The following INTS6L variants were observed in gnomAD, a reference collection of about 807,000 sequenced individuals.
INTS6L encodes the protein integrator complex subunit 6 like, also known as integrator complex subunit 6-like.
Under a neutral mutation model 64.7 loss-of-function variants are expected in INTS6L, and 18 were observed. The observed-to-expected ratio is 0.28, with a 90% CI of 0.19 to 0.41. The LOEUF is 0.41. Among genes scored for constraint, INTS6L ranks in the 10% least tolerant of loss-of-function variants. The pLI, the probability that INTS6L is intolerant of heterozygous loss-of-function variation, is 1.00. For missense variants in INTS6L, 533 were observed against 661.0 expected (o/e 0.81, Z 2.12); for synonymous variants, 227 against 235.9 (o/e 0.96, Z 0.34).
chrX:135,520,957 G>A lies in INTS6L; in HGVS notation c.-36G>A. The stretch of plus-strand genomic sequence containing the variant: ...CGCGGCAGTGAGGGCAAGAGGGCCG[G>A]GAGAGTGGGGAGCGGAGGCAGGAGT... On this transcript the variant is annotated 5_prime_UTR_variant, in exon 1 of 18. Transcript: ENST00000639893. 2.5e-6 allele frequency: 3 copies of A among 1,186,189 alleles called. No individual in the cohort carries two copies. The highest frequency in any genetic ancestry group is 3.4e-6 in the Non-Finnish European group (3 of 875,226).
intron 7 of INTS6L, 133 bp downstream of exon 7, chrX:135,549,938 T>C (rs1470617366): frequency 2.6e-5 from 18 of 692,645 alleles, no homozygotes; most frequent in Non-Finnish European, 3.6e-5. Context: ...CTTTGCCTTC[T>C]ATCTCTTACT....
intron 8 of INTS6L, 125 bp from the exon 9 acceptor site, chrX:135,556,043 A>G: frequency 2.8e-6 from 2 of 707,315 alleles, no homozygotes; most frequent in Non-Finnish European, 4.0e-6. Flanking sequence ...GGCTAAAAAC[A>G]CTATTGCTAT....
chrX:135,543,023 G>T (rs1556513416), intron 2 of INTS6L, among the ~76,000 whole-genome samples: 1 of 110,936 alleles, frequency 9.0e-6, no homozygotes, highest in African/African-American at 3.3e-5. Flanking sequence ...TCCTTAATCT[G>T]CAACCTCCTC....
chrX:135,577,068 A>G, intron 14 of INTS6L, 125 bp from the exon 15 acceptor site: 1 of 663,463 alleles, frequency 1.5e-6, no homozygotes, highest in African/African-American at 2.2e-5. Flanking sequence ...AAAAAATGAA[A>G]GAAAAAAAGA....
At chrX:135,580,965 A>G in intron 16 of INTS6L, 85 bp from the exon 17 acceptor site, 1 of 666,920 alleles carries the variant, frequency 1.5e-6, no homozygotes, top group Non-Finnish European at 2.1e-6. Context: ...ACTCACGAAG[A>G]ACAATTACTA....
chrX:135,581,184 T>G (rs782659636), intron 17 of INTS6L, 41 bp downstream of exon 17: 1 of 1,025,245 alleles, frequency 9.8e-7, no homozygotes, highest in South Asian at 2.3e-5. Context: ...TGTTTTTGTT[T>G]TTAGAGCAGT....
intron 2 of INTS6L, among the ~76,000 whole-genome samples, chrX:135,523,123 G>A (rs900204799): frequency 9.0e-6 from 1 of 111,648 alleles, no homozygotes; most frequent in Middle Eastern, 4.6e-3. Flanking sequence ...GGTGGCTCAG[G>A]CCTGTAATCC....
At chrX:135,576,750 A>G (rs908543371) in intron 14 of INTS6L, among the ~76,000 whole-genome samples, 5 of 112,325 alleles carry the variant, frequency 4.5e-5, no homozygotes, top group Non-Finnish European at 9.4e-5. Flanking sequence ...GTGATAATCA[A>G]TGTTGTTTAA....
chrX:135,552,273 G>A (rs190755435), intron 8 of INTS6L, 127 bp downstream of exon 8: 8,136 of 770,086 alleles, frequency 0.011, 49 homozygotes, highest in Non-Finnish European at 0.012. Context: ...TCTCATGAAT[G>A]CTGTCAAATA....
intron 8 of INTS6L, among the ~76,000 whole-genome samples, chrX:135,554,354 T>C (rs1279873374): frequency 1.8e-5 from 2 of 112,082 alleles, no homozygotes; most frequent in Non-Finnish European, 3.8e-5. Context: ...TCTTCTAATA[T>C]ACACACTTAG....
In INTS6L at chrX:135,521,233, C is replaced by T. The variant is rs782324978; in HGVS notation, c.112-8C>T. The T allele has an allele frequency of 8.3e-7, 1 of 1,206,524 alleles. No individual in the cohort carries two copies. The highest frequency in any genetic ancestry group is 1.1e-6 in the Non-Finnish European group (1 of 892,867). Reference sequence around the variant, plus strand: ...ACGCGACCCCCTCCGTCATCCCTTGCCCCGCAGCTGCGCGCCCGGGACCCG... The same window carrying T: ...ACGCGACCCCCTCCGTCATCCCTTGTCCCGCAGCTGCGCGCCCGGGACCCG... On this transcript the variant is annotated splice_polypyrimidine_tract_variant and splice_region_variant and intron_variant, in intron 1 of 17. Transcript: ENST00000639893.
At chrX:135,568,306 AT>A (rs1438457194) in intron 9 of INTS6L, among the ~76,000 whole-genome samples, 1 of 111,065 alleles carries the variant, frequency 9.0e-6, no homozygotes, top group African/African-American at 3.3e-5. Context: ...TAGTTCAAAT[AT>A]TTTTAGTACA....
At chrX:135,528,271 C>T (rs1556502370) in intron 2 of INTS6L, among the ~76,000 whole-genome samples, 1 of 111,961 alleles carries the variant, frequency 8.9e-6, no homozygotes, top group Non-Finnish European at 1.9e-5. Flanking sequence ...ACCTTCCTCC[C>T]AGGAACCTTT....
At position 135,573,011 on chromosome X, in the gene INTS6L, T is replaced by C. The variant is rs2087131425; in HGVS notation, c.1595T>C (p.Phe532Ser). 2.5e-6 allele frequency: 3 copies of C among 1,208,649 alleles called. No homozygotes were observed. Among genetic ancestry groups the C allele is most frequent in the Non-Finnish European group, 3.4e-6 (3 of 893,258 alleles). Residue 532 changes from phenylalanine (F) to serine (S), a missense_variant, in exon 12 of 18, where the codon TTC (phenylalanine) becomes TCC (serine). Coordinates refer to ENST00000639893, the MANE Select transcript of INTS6L (RefSeq NM_001351601.3). The part of the protein sequence containing the change: ...TELNTKEFAG[F>S]QIGLLNKDLK... Reference sequence around the variant, plus strand: ...TTGAACACCAAAGAATTTGCTGGCTTCCAAATTGGGCTCTTAAACAAGGTA... The same window carrying C: ...TTGAACACCAAAGAATTTGCTGGCTCCCAAATTGGGCTCTTAAACAAGGTA...
chrX:135,553,466 T>C (rs1260782778), intron 8 of INTS6L, among the ~76,000 whole-genome samples: 4 of 105,205 alleles, frequency 3.8e-5, no homozygotes, highest in African/African-American at 6.9e-5. Flanking sequence ...CCACAATTCC[T>C]GGCTAATTTT....
intron 16 of INTS6L, among the ~76,000 whole-genome samples, chrX:135,580,375 C>A: frequency 8.9e-6 from 1 of 112,046 alleles, no homozygotes; most frequent in Non-Finnish European, 1.9e-5. Flanking sequence ...CTTTTGCTGC[C>A]GTAACAAGTT....
At position 135,577,700 on chromosome X, in the gene INTS6L, A is replaced by G. The variant is rs142035238; in HGVS notation, c.2119+273A>G. On this transcript the variant is annotated intron_variant, in intron 15 of 17. Transcript: ENST00000639893. The stretch of plus-strand genomic sequence containing the variant: ...TAATGAATACATTGCTTAGCAAGTA[A>G]ATGCCACAGTAATTAATGGAGAAAT... 7.1e-3 allele frequency among the ~76,000 whole-genome samples: 803 copies of G among 112,317 alleles called. 5 individuals carry two copies. The highest frequency in any genetic ancestry group is 0.011 in the Non-Finnish European group (599 of 53,263).
At position 135,575,159 on chromosome X, in the gene INTS6L, G is replaced by A. The variant is rs2087190448; in HGVS notation, c.1817G>A (p.Arg606Gln). The change falls in exon 14 of 18, where the codon CGA becomes CAA. Residue 606 changes from arginine to glutamine, a missense_variant. By Grantham distance (43) the Arg-to-Gln change is conservative. Transcript: ENST00000639893. ...CTGAAGACATTGGCTTCTCCACTGC[G>A]AGAGATTGATCCAGACCAACCCAAA... ...EYLKTLASPL[R>Q]EIDPDQPKRL... is the part of the protein sequence containing the mutation. The A allele has an allele frequency of 8.3e-7, 1 of 1,211,598 alleles. No homozygotes were observed. The highest frequency in any genetic ancestry group is 2.3e-4 in the Middle Eastern group (1 of 4,352).
At position 135,531,283 on chromosome X, in the gene INTS6L, A is replaced by G. The variant is rs782227108; in HGVS notation, c.189+9965A>G. ...TCTGATAATTCTTTCTCTATCTTCC[A>G]AAGTCTTTCCCTTGGGGAGTGTATC... is the stretch of plus-strand genomic sequence containing the variant. On this transcript the variant is annotated intron_variant, in intron 2 of 17. Transcript: ENST00000639893. Among the ~76,000 whole-genome samples the G allele has an allele frequency of 2.7e-5, 3 of 111,636 alleles. No homozygotes were observed. In the South Asian group the frequency reaches 1.1e-3, roughly 42 times the overall value.
Sources: gnomAD v4.1 joint callset for allele counts (sites outside exome capture counted in the v4.1 genomes callset) on GRCh38, gnomAD v4.1.1 for gene constraint, MANE v1.5 for transcripts, NCBI Gene and HGNC (gene_info 2026-07-23, HGNC 2026-07-21) for gene names.